ATRNL1: variants seen among roughly 807,000 people sequenced by gnomAD.
ATRNL1 encodes attractin-like protein 1.
A neutral mutation model predicts 182.7 loss-of-function variants in ATRNL1; 95 were observed. That is an observed-to-expected ratio of 0.52 (90% CI 0.44 to 0.62). The LOEUF (loss-of-function observed/expected upper bound fraction) is 0.62. Ranked by LOEUF, ATRNL1 falls within the 20% of genes least tolerant of loss-of-function variation. The pLI is 0.00. For synonymous variants in ATRNL1, 576 were observed against 568.3 expected, an observed-to-expected ratio of 1.01 and a Z score of -0.19; for missense variants, 1,471 against 1,679.5, an observed-to-expected ratio of 0.88 and a Z score of 2.17.
chr10:115,149,816 G>A (rs1468301732), intron 5 of ATRNL1, among the ~76,000 whole-genome samples: 1 of 149,058 alleles, frequency 6.7e-6, no homozygotes, highest in East Asian at 2.0e-4. Flanking sequence ...TAATATTTGG[G>A]TTTGGTGTTA....
chr10:115,597,424 T>A (rs1346657426), intron 26 of ATRNL1, among the ~76,000 whole-genome samples: 2 of 152,196 alleles, frequency 1.3e-5, no homozygotes, highest in African/African-American at 2.4e-5. Flanking sequence ...GAAAATTGTA[T>A]TTTTAGATTT....
At chr10:115,831,192 G>A (rs1356812704) in intron 27 of ATRNL1, among the ~76,000 whole-genome samples, 2 of 152,044 alleles carry the variant, frequency 1.3e-5, no homozygotes, top group African/African-American at 2.4e-5. Flanking sequence ...CCCTAAGTGC[G>A]TCACTGACTC....
intron 13 of ATRNL1, among the ~76,000 whole-genome samples, chr10:115,270,869 A>C (rs2133895109): frequency 6.6e-6 from 1 of 152,192 alleles, no homozygotes; most frequent in African/African-American, 2.4e-5. Context: ...TTACAAGTCT[A>C]CCCCTTGTCA....
chr10:115,865,405 T>C (rs1951417430), intron 28 of ATRNL1, among the ~76,000 whole-genome samples: 1 of 152,200 alleles, frequency 6.6e-6, no homozygotes, highest in Non-Finnish European at 1.5e-5. Context: ...GACTCTTTTA[T>C]AAGTTGGTCA....
chr10:115,512,423 A>G (rs1191268833), intron 24 of ATRNL1, among the ~76,000 whole-genome samples: 1 of 151,866 alleles, frequency 6.6e-6, no homozygotes, highest in African/African-American at 2.4e-5. Flanking sequence ...AGCTTTTAAT[A>G]AGGATATTTG....
chr10:115,727,120 A>G (rs1027781350), intron 26 of ATRNL1, 128 bp from the exon 27 acceptor site: 1 of 656,394 alleles, frequency 1.5e-6, no homozygotes, highest in Non-Finnish European at 2.7e-6. Context: ...AGTATTCTAG[A>G]TATGGATATC....
chr10:115,291,548 C>T (rs1852902559), intron 15 of ATRNL1, among the ~76,000 whole-genome samples: 2 of 151,884 alleles, frequency 1.3e-5, no homozygotes, highest in Non-Finnish European at 2.9e-5. Flanking sequence ...TATGTAAATA[C>T]CTAATTTAAG....
At chr10:115,845,795 G>A (rs1443244721) in intron 27 of ATRNL1, among the ~76,000 whole-genome samples, 1 of 151,862 alleles carries the variant, frequency 6.6e-6, no homozygotes, top group African/African-American at 2.4e-5. Context: ...TTGCCCGTTG[G>A]TAGAAATGAT....
chr10:115,873,560 T>C (rs2134422116), intron 28 of ATRNL1, among the ~76,000 whole-genome samples: 1 of 152,320 alleles, frequency 6.6e-6, no homozygotes, highest in East Asian at 1.9e-4. Flanking sequence ...CATATAGGTA[T>C]ATGTAGATTA....
At chr10:115,425,695 T>A (rs1258515596) in intron 20 of ATRNL1, among the ~76,000 whole-genome samples, 1 of 152,118 alleles carries the variant, frequency 6.6e-6, no homozygotes, top group Non-Finnish European at 1.5e-5. Context: ...TATTAGTCAA[T>A]TTTGTTTGGG....
chr10:115,618,127 T>C (rs1284986924), intron 26 of ATRNL1, among the ~76,000 whole-genome samples: 3 of 152,246 alleles, frequency 2.0e-5, no homozygotes, highest in African/African-American at 7.2e-5. Context: ...TTGTACAGCC[T>C]GTGGAACCAT....
At chr10:115,530,716 G>A (rs1456798910) in intron 25 of ATRNL1, among the ~76,000 whole-genome samples, 1 of 151,384 alleles carries the variant, frequency 6.6e-6, no homozygotes, top group East Asian at 1.9e-4. Context: ...CCATGCTGGT[G>A]TGCTGCACCC....
intron 26 of ATRNL1, among the ~76,000 whole-genome samples, chr10:115,549,768 G>A (rs928899829): frequency 4.6e-5 from 7 of 151,770 alleles, no homozygotes; most frequent in South Asian, 2.1e-4. Context: ...TCTAAAAATG[G>A]TATTGGAATT....
intron 19 of ATRNL1, among the ~76,000 whole-genome samples, chr10:115,384,334 T>G (rs1419722912): frequency 6.6e-6 from 1 of 152,022 alleles, no homozygotes; most frequent in Non-Finnish European, 1.5e-5. Flanking sequence ...GATAAACATT[T>G]TTTTTCACCC....
chr10:115,421,138 TACTATCAA>T (rs561113599), intron 20 of ATRNL1, among the ~76,000 whole-genome samples: 38 of 152,250 alleles, frequency 2.5e-4, no homozygotes, highest in Non-Finnish European at 5.0e-4. Flanking sequence ...TCATACCAAT[TACTATCAA>T]ACTATTCCAA....
chr10:115,099,677 G>A (rs1354291997), intron 1 of ATRNL1, among the ~76,000 whole-genome samples: 3 of 151,968 alleles, frequency 2.0e-5, no homozygotes, highest in South Asian at 2.1e-4. Flanking sequence ...TGCATTTCCC[G>A]AATTACTAAT....
intron 26 of ATRNL1, among the ~76,000 whole-genome samples, chr10:115,578,214 C>A (rs1220585219): frequency 6.6e-6 from 1 of 151,728 alleles, no homozygotes; most frequent in African/African-American, 2.4e-5. Context: ...CCATAGTTTT[C>A]TTTTCTCGTG....
At chr10:115,617,299 C>T (rs959743144) in intron 26 of ATRNL1, among the ~76,000 whole-genome samples, 5 of 152,124 alleles carry the variant, frequency 3.3e-5, no homozygotes, top group Admixed American at 6.5e-5. Context: ...TACTGGAATG[C>T]GAGTATTTAG....
chr10:115,386,641 A>C (rs1554952702), intron 19 of ATRNL1, among the ~76,000 whole-genome samples: 1 of 151,936 alleles, frequency 6.6e-6, no homozygotes, highest in Non-Finnish European at 1.5e-5. Flanking sequence ...GGTACATCAA[A>C]GGTTAGTCTT....
Sources: allele counts gnomAD v4.1 joint callset (sites outside exome capture counted in the v4.1 genomes callset), GRCh38; gene constraint gnomAD v4.1.1; transcripts MANE v1.5; gene names NCBI Gene and HGNC (gene_info 2026-07-23, HGNC 2026-07-21).